The following EIF2AK3 variants were observed in gnomAD, a reference collection of about 807,000 sequenced individuals.
EIF2AK3 encodes eukaryotic translation initiation factor 2 alpha kinase 3, also known as eukaryotic translation initiation factor 2-alpha kinase 3.
EIF2AK3 carries 50 observed loss-of-function variants against 113.5 expected under a neutral mutation model. The ratio of observed to expected loss-of-function variants is 0.44; its 90% confidence interval spans 0.35 to 0.56. The LOEUF (loss-of-function observed/expected upper bound fraction) is 0.56, where lower values mean the gene tolerates loss of function less well. Ranked by LOEUF, EIF2AK3 falls within the 20% of genes least tolerant of loss-of-function variation. EIF2AK3 has a pLI of 0.00. For missense variants in EIF2AK3, 1,185 were observed against 1,378.0 expected, an observed-to-expected ratio of 0.86 and a Z score of 2.22; for synonymous variants, 448 against 495.4, an observed-to-expected ratio of 0.90 and a Z score of 1.27.
At chr2:88,599,497 T>C (rs1329020483) in intron 2 of EIF2AK3, among the ~76,000 whole-genome samples, 1 of 151,662 alleles carries the variant, frequency 6.6e-6, no homozygotes, top group South Asian at 2.1e-4. Flanking sequence ...TTGAGTTACA[T>C]ATCAGATAGA....
chr2:88,572,136 G>C (rs1674328575), intron 13 of EIF2AK3, among the ~76,000 whole-genome samples: 1 of 152,216 alleles, frequency 6.6e-6, no homozygotes, highest in Non-Finnish European at 1.5e-5. Context: ...TGAAGTTATT[G>C]TGTATAAGAT....
chr2:88,611,926 G>A (rs1476394635), intron 2 of EIF2AK3, among the ~76,000 whole-genome samples: 2 of 152,058 alleles, frequency 1.3e-5, no homozygotes, highest in Admixed American at 6.6e-5. Flanking sequence ...CCCGGCCTAC[G>A]ATTCAACATT....
intron 15 of EIF2AK3, among the ~76,000 whole-genome samples, chr2:88,560,204 T>G (rs1178673452): frequency 6.6e-6 from 1 of 152,212 alleles, no homozygotes; most frequent in Non-Finnish European, 1.5e-5. Context: ...ATTTCCCTAA[T>G]GCCCAACGAT....
intron 1 of EIF2AK3, among the ~76,000 whole-genome samples, chr2:88,619,970 A>T (rs1016400412): frequency 4.8e-4 from 73 of 151,994 alleles, no homozygotes; most frequent in Non-Finnish European, 1.6e-4. Flanking sequence ...AAAAAAAAAA[A>T]AAAAATCTTT....
At chr2:88,570,462 T>A (rs1293017919) in intron 14 of EIF2AK3, among the ~76,000 whole-genome samples, 3 of 152,196 alleles carry the variant, frequency 2.0e-5, no homozygotes, top group Admixed American at 6.5e-5. Flanking sequence ...TTTCCTACTG[T>A]GGTACATGCT....
rs1262034040 is a variant in EIF2AK3 at position 88,593,288 on chromosome 2, G to A, written c.751C>T (p.Arg251Cys). Reference sequence around the variant, plus strand: ...AATACACACTTCTCATTGCCACTGCGAGGTCCGACAGCTCTAACAGTTTTT... The same window carrying A: ...AATACACACTTCTCATTGCCACTGCAAGGTCCGACAGCTCTAACAGTTTTT... The part of the protein sequence containing the change: ...TQKTVRAVGP[R>C]SGNEKWNFSV... The change falls in exon 4 of 17, where the codon CGC (arginine) becomes TGC (cysteine). Residue 251 changes from arginine (R) to cysteine (C), a missense_variant. By Grantham distance (180) the Arg-to-Cys change is radical. Coordinates refer to ENST00000303236, the MANE Select transcript of EIF2AK3 (RefSeq NM_004836.7). The A allele has an allele frequency of 1.2e-6, 2 of 1,613,882 alleles. No individual in the cohort carries two copies. The highest frequency in any genetic ancestry group is 8.5e-7 in the Non-Finnish European group (1 of 1,179,978).
chr2:88,580,220 G>C (rs1674565709), intron 10 of EIF2AK3, among the ~76,000 whole-genome samples: 1 of 152,064 alleles, frequency 6.6e-6, no homozygotes, highest in Admixed American at 6.6e-5. Flanking sequence ...TCACTCACAG[G>C]GGCCTCCACT....
intron 10 of EIF2AK3, among the ~76,000 whole-genome samples, chr2:88,582,771 T>C (rs1470409251): frequency 1.3e-5 from 2 of 152,182 alleles, no homozygotes; most frequent in Non-Finnish European, 2.9e-5. Context: ...TATTAAGCAG[T>C]ATAGTTCCAC....
chr2:88,589,579 T>C (rs1036222983), intron 6 of EIF2AK3, among the ~76,000 whole-genome samples: 6 of 151,438 alleles, frequency 4.0e-5, no homozygotes, highest in African/African-American at 9.7e-5. Context: ...CAAATACAAA[T>C]ACAGAAAATT....
chr2:88,619,184 G>A (rs1675659266), intron 1 of EIF2AK3, among the ~76,000 whole-genome samples: 1 of 151,906 alleles, frequency 6.6e-6, no homozygotes, highest in South Asian at 2.1e-4. Flanking sequence ...AGAGGTGGGG[G>A]TTCACCATGT....
At position 88,562,385 on chromosome 2, in the gene EIF2AK3, A is replaced by G. The variant is rs758752139; in HGVS notation, c.2991T>C (p.His997=). 3 of 1,613,346 alleles carry G rather than the reference A, an allele frequency of 1.9e-6. No individual in the cohort carries two copies. The highest frequency in any genetic ancestry group is 1.1e-5 in the South Asian group (1 of 91,060). Residue 997 remains histidine (H), a synonymous_variant, in exon 15 of 17, where the codon CAT becomes CAC. Transcript: ENST00000303236. ...CCACTTTATGAGAATAGCTGTTTCC[A>G]TGAATCTGAAATCCCACATAAAGAA... ...TKLYMSPEQI[H]GNSYSHKVDI...
intron 8 of EIF2AK3, among the ~76,000 whole-genome samples, 170 bp from the exon 9 acceptor site, chr2:88,586,231 C>T (rs1275383395): frequency 2.0e-5 from 3 of 151,654 alleles, no homozygotes; most frequent in African/African-American, 7.3e-5. Context: ...ATTTTTCTCC[C>T]GTAAATATAG....
At chr2:88,567,754 C>T (rs1258587921) in intron 14 of EIF2AK3, among the ~76,000 whole-genome samples, 1 of 152,126 alleles carries the variant, frequency 6.6e-6, no homozygotes, top group African/African-American at 2.4e-5. Flanking sequence ...TCACTCTGTC[C>T]CTCACTGGCC....
chr2:88,582,092 G>C (rs544111648), intron 10 of EIF2AK3, among the ~76,000 whole-genome samples: 1 of 152,260 alleles, frequency 6.6e-6, no homozygotes, highest in Non-Finnish European at 1.5e-5. Context: ...CTGTTCCTGT[G>C]ACCTTATGTT....
At chr2:88,579,100 A>G (rs1674534057) in intron 11 of EIF2AK3, among the ~76,000 whole-genome samples, 1 of 152,236 alleles carries the variant, frequency 6.6e-6, no homozygotes, top group African/African-American at 2.4e-5. Context: ...CCAGTTAGGT[A>G]AATATATGAC....
chr2:88,627,168 A>G lies in EIF2AK3; in HGVS notation c.107T>C (p.Leu36Pro), dbSNP rs2103992745. ...CGCCGCCTCCGCCGTCGGCGCTGGGAGGCCACGGGCGCGCCCCGCGGCCAC... is the reference window on the plus strand; with the variant it reads ...CGCCGCCTCCGCCGTCGGCGCTGGGGGGCCACGGGCGCGCCCCGCGGCCAC... ...RTVAAGRARG[L>P]PAPTAEAAFG... Residue 36 changes from leucine (L) to proline (P), a missense_variant, in exon 1 of 17, where the codon CTC becomes CCC. Physicochemically the swap from Leu to Pro is moderately conservative, Grantham distance 98 (BLOSUM62 -3). This residue lies in a region of EIF2AK3 where 189 missense variants were observed against 175.2 expected (regional missense o/e 1.08). Transcript: ENST00000303236. 1.4e-6 allele frequency: 2 copies of G among 1,431,988 alleles called. No individual in the cohort carries two copies. Among genetic ancestry groups the G allele is most frequent in the Non-Finnish European group, 1.8e-6 (2 of 1,098,676 alleles). 88.7% of individuals were successfully genotyped at this position (1,431,988 alleles called of 1,614,324 possible).
At chr2:88,591,583 C>G (rs1674890223) in intron 4 of EIF2AK3, among the ~76,000 whole-genome samples, 1 of 152,172 alleles carries the variant, frequency 6.6e-6, no homozygotes, top group Non-Finnish European at 1.5e-5. Flanking sequence ...TGGATCTCCA[C>G]TGAACAAGAT....
chr2:88,574,527 G>T, intron 13 of EIF2AK3, 139 bp downstream of exon 13: 1 of 1,055,668 alleles, frequency 9.5e-7, no homozygotes, highest in Non-Finnish European at 1.4e-6. Flanking sequence ...GCCCCTTCGA[G>T]GCTACTTTCT....
rs776519954 is a variant in EIF2AK3 at position 88,559,026 on chromosome 2, A to G, written c.3088-47T>C. 6 of 1,323,428 alleles carry G rather than the reference A, an allele frequency of 4.5e-6. No homozygotes were observed. The South Asian group carries it at 7.3e-5, about 16-fold the overall frequency. 82.0% of individuals were successfully genotyped at this position (1,323,428 alleles called of 1,614,324 possible). ...CTTATTAAGTTTATTTTGACATACA[A>G]CATGAAAATATTTTTTGATACTCTA... On this transcript the variant is annotated intron_variant, in intron 15 of 16. Coordinates refer to ENST00000303236, the MANE Select transcript of EIF2AK3 (RefSeq NM_004836.7).
Sources: allele counts gnomAD v4.1 joint callset (sites outside exome capture counted in the v4.1 genomes callset), GRCh38; gene constraint gnomAD v4.1.1; regional missense constraint gnomAD v4.1.1; transcripts MANE v1.5; gene names NCBI Gene and HGNC (gene_info 2026-07-23, HGNC 2026-07-21).